The following JARID2 variants were observed in gnomAD, a reference collection of about 807,000 sequenced individuals.
JARID2 encodes the protein jumonji and AT-rich interaction domain containing 2.
A neutral mutation model predicts 125.6 loss-of-function variants in JARID2; 21 were observed. That is an observed-to-expected ratio of 0.17 (90% CI 0.12 to 0.24). JARID2 has a LOEUF of 0.24. Ranked by LOEUF, JARID2 falls within the 10% of genes least tolerant of loss-of-function variation. The pLI is 1.00. For missense variants in JARID2, 1,303 were observed against 1,639.6 expected, an observed-to-expected ratio of 0.79 and a Z score of 3.55; for synonymous variants, 736 against 661.6, an observed-to-expected ratio of 1.11 and a Z score of -1.73.
chr6:15,520,512 G>A lies in JARID2; in HGVS notation c.*261G>A. 1 of 391,328 alleles carries A rather than the reference G, an allele frequency of 2.6e-6. No homozygotes were observed. 24.2% of individuals were successfully genotyped at this position (391,328 alleles called of 1,614,324 possible). A position where few individuals can be genotyped will look rare whatever the true frequency, so the allele number is the denominator to read the frequency against. ...AACCCCGGAGGGGCTGTATTAATTT[G>A]TATTGCCCCATGGCTGACAAAAGCC... On this transcript the variant is annotated 3_prime_UTR_variant, in exon 18 of 18. Coordinates refer to ENST00000341776, the MANE Select transcript of JARID2 (RefSeq NM_004973.4).
chr6:15,437,117 C>T lies in JARID2; in HGVS notation c.324-14889C>T, dbSNP rs146283634. Among the ~76,000 whole-genome samples the T allele has an allele frequency of 4.3e-3, 648 of 152,262 alleles. 9 individuals carry two copies. The highest frequency in any genetic ancestry group is 0.034 in the South Asian group (165 of 4,818). ...CAGGGGTGTGTGGTCATCTTTTCTT[C>T]CTGGAAAGGTCCCTTTTGGTGAATG... On this transcript the variant is annotated intron_variant, in intron 3 of 17. Transcript: ENST00000341776.
chr6:15,413,031 T>TTTTTTTTG (rs1765969699), intron 3 of JARID2, among the ~76,000 whole-genome samples: 1 of 134,472 alleles, frequency 7.4e-6, no homozygotes, highest in Non-Finnish European at 1.6e-5. Context: ...TTGTTTTTTT[T>TTTTTTTTG]TTTTTGAGAC....
intron 2 of JARID2, among the ~76,000 whole-genome samples, chr6:15,397,733 T>C (rs898837510): frequency 2.6e-5 from 4 of 152,228 alleles, no homozygotes; most frequent in Non-Finnish European, 5.9e-5. Flanking sequence ...GAAACTGATT[T>C]GCCATTCAAC....
chr6:15,279,723 C>T lies in JARID2; in HGVS notation c.45+33139C>T, dbSNP rs1033395702. Among the ~76,000 whole-genome samples, 5 of 152,296 alleles carry T rather than the reference C, an allele frequency of 3.3e-5. No individual in the cohort carries two copies. In the South Asian group the frequency reaches 6.2e-4, roughly 19 times the overall value. ...GATGAGGCACTACCCTCTAATCTCC[C>T]TACTGTTGTCATAGTTTTCTTTCTT... is the stretch of plus-strand genomic sequence containing the variant. On this transcript the variant is annotated intron_variant, in intron 1 of 17. Coordinates refer to ENST00000341776, the MANE Select transcript of JARID2 (RefSeq NM_004973.4).
At chr6:15,332,554 A>C (rs1282060834) in intron 1 of JARID2, among the ~76,000 whole-genome samples, 1 of 152,176 alleles carries the variant, frequency 6.6e-6, no homozygotes, top group Non-Finnish European at 1.5e-5. Flanking sequence ...ATAGTGACAA[A>C]AGCCTGTACA....
chr6:15,368,061 A>C (rs983496258), intron 1 of JARID2, among the ~76,000 whole-genome samples: 4 of 152,160 alleles, frequency 2.6e-5, no homozygotes, highest in Non-Finnish European at 5.9e-5. Context: ...CTTGAGACAA[A>C]TTATAAGAAC....
intron 16 of JARID2, among the ~76,000 whole-genome samples, chr6:15,514,323 C>A (rs1771441368): frequency 6.6e-6 from 1 of 152,260 alleles, no homozygotes; most frequent in South Asian, 2.1e-4. Context: ...CCCGAAGGGC[C>A]TGACCTGCCT....
intron 3 of JARID2, among the ~76,000 whole-genome samples, chr6:15,432,117 A>G (rs568065932): frequency 4.6e-5 from 7 of 151,772 alleles, no homozygotes; most frequent in Admixed American, 1.3e-4. Flanking sequence ...AAAAAAACAC[A>G]GATTTATTGA....
intron 8 of JARID2, among the ~76,000 whole-genome samples, chr6:15,503,722 A>G (rs983672376): frequency 4.6e-5 from 7 of 152,230 alleles, no homozygotes; most frequent in African/African-American, 1.7e-4. Flanking sequence ...GGACTCAAGC[A>G]ACAAATGTGC....
rs200046051 is a variant in JARID2, at chr6:15,487,493, C to T, written c.857C>T (p.Thr286Ile). 8.7e-6 allele frequency: 14 copies of T among 1,614,052 alleles called. No individual in the cohort carries two copies. In the East Asian group the frequency reaches 8.9e-5, roughly 10 times the overall value. ...TCCTCGGCCAAGGGGCTTGCTGCCA[C>T]CCATCACCACCCCCCTCTGCATCGG... is the stretch of plus-strand genomic sequence containing the variant. ...TGSSAKGLAA[T>I]HHHPPLHRSA... is the part of the protein sequence containing the mutation. Residue 286 changes from threonine to isoleucine, a missense_variant, in exon 6 of 18, where the codon ACC becomes ATC. Thr to Ile is a moderately conservative substitution (Grantham distance 89). This residue lies in a region of JARID2 where 651 missense variants were observed against 581.6 expected (regional missense o/e 1.12). Transcript: ENST00000341776.
chr6:15,391,625 A>G (rs959746487), intron 2 of JARID2, among the ~76,000 whole-genome samples: 2 of 152,240 alleles, frequency 1.3e-5, no homozygotes, highest in African/African-American at 2.4e-5. Context: ...CTGTCAAATC[A>G]TATTAAACCA....
intron 1 of JARID2, among the ~76,000 whole-genome samples, chr6:15,291,832 A>T (rs1053653963): frequency 6.6e-6 from 1 of 152,074 alleles, no homozygotes; most frequent in African/African-American, 2.4e-5. Flanking sequence ...CTTCCATTCA[A>T]ATATTTTTGT....
At chr6:15,462,687 C>T (rs1768508838) in intron 4 of JARID2, among the ~76,000 whole-genome samples, 1 of 152,224 alleles carries the variant, frequency 6.6e-6, no homozygotes, top group Non-Finnish European at 1.5e-5. Flanking sequence ...GAATTTGACT[C>T]TGCAGCTAAA....
intron 12 of JARID2, 35 bp from the exon 13 acceptor site, chr6:15,511,261 T>C: frequency 6.8e-7 from 1 of 1,462,394 alleles, no homozygotes; most frequent in Non-Finnish European, 9.6e-7. Flanking sequence ...CCTTGTCAAG[T>C]CTCTGCTTGT....
At chr6:15,369,882 A>G (rs1366003333) in intron 1 of JARID2, among the ~76,000 whole-genome samples, 13 of 152,232 alleles carry the variant, frequency 8.5e-5, no homozygotes, top group Non-Finnish European at 1.5e-5. Flanking sequence ...GAACACTGCA[A>G]AGTGGCTGAG....
intron 3 of JARID2, among the ~76,000 whole-genome samples, chr6:15,437,199 G>A (rs986800339): frequency 2.0e-5 from 3 of 152,148 alleles, no homozygotes; most frequent in African/African-American, 7.2e-5. Flanking sequence ...GGACTGGTTG[G>A]GAATGGCAGT....
chr6:15,430,961 C>T (rs1253957469), intron 3 of JARID2, among the ~76,000 whole-genome samples: 1 of 152,110 alleles, frequency 6.6e-6, no homozygotes, highest in East Asian at 1.9e-4. Context: ...TTACTCAGCC[C>T]CCAAGAAATA....
chr6:15,501,337 G>A lies in JARID2; in HGVS notation c.2376G>A (p.Gln792=), dbSNP rs766925972. 1.2e-6 allele frequency: 2 copies of A among 1,602,568 alleles called. No individual in the cohort carries two copies. Among genetic ancestry groups the A allele is most frequent in the South Asian group, 1.1e-5 (1 of 89,988 alleles). Residue 792 remains glutamine, a synonymous_variant, in exon 8 of 18, where the codon CAG becomes CAA. Transcript: ENST00000341776. ...CTGGCCGGCGGCGACTCTTCGCTCA[G>A]GAAAAAGAAGTGGTCAAGGAAGAGG... The part of the protein sequence containing the change: ...LKTGRRRLFA[Q]EKEVVKEEEE...
chr6:15,419,952 G>C (rs753417365), intron 3 of JARID2, among the ~76,000 whole-genome samples: 1 of 152,050 alleles, frequency 6.6e-6, no homozygotes, highest in Non-Finnish European at 1.5e-5. Flanking sequence ...GTGTGCATTC[G>C]TCTCCCCTTT....
Sources: gnomAD v4.1 joint callset for allele counts (sites outside exome capture counted in the v4.1 genomes callset) on GRCh38, gnomAD v4.1.1 for gene constraint, gnomAD v4.1.1 regional missense constraint, MANE v1.5 for transcripts, NCBI Gene and HGNC (gene_info 2026-07-23, HGNC 2026-07-21) for gene names.